TANC1: variants seen among roughly 807,000 people sequenced by gnomAD.
The protein encoded by TANC1 is protein TANC1.
Under a neutral mutation model 149.7 loss-of-function variants are expected in TANC1, and 77 were observed. The observed-to-expected ratio is 0.51, with a 90% CI of 0.43 to 0.62. TANC1 has a LOEUF of 0.62. Ranked by LOEUF, TANC1 falls within the 20% of genes least tolerant of loss-of-function variation. The pLI is 0.00. For missense variants in TANC1, 1,985 were observed against 2,321.8 expected (o/e 0.85, Z 2.98); for synonymous variants, 854 against 925.0 (o/e 0.92, Z 1.39).
chr2:159,099,685 T>G (rs1428274975), intron 4 of TANC1, among the ~76,000 whole-genome samples: 23 of 148,914 alleles, frequency 1.5e-4, no homozygotes, highest in Admixed American at 4.0e-4. Context: ...CAAATCTGAT[T>G]AGATTCCTCA....
chr2:159,050,115 TA>T (rs1443528528), intron 2 of TANC1, among the ~76,000 whole-genome samples: 1 of 152,132 alleles, frequency 6.6e-6, no homozygotes, highest in Non-Finnish European at 1.5e-5. Flanking sequence ...CATAGTGACA[TA>T]ATTTTTTTTG....
At chr2:159,046,183 AATAG>A (rs2041023094) in intron 2 of TANC1, among the ~76,000 whole-genome samples, 1 of 152,186 alleles carries the variant, frequency 6.6e-6, no homozygotes, top group Admixed American at 6.5e-5. Context: ...AACTTTAGAA[AATAG>A]ATAGGAACTT....
intron 24 of TANC1, 106 bp from the exon 25 acceptor site, chr2:159,227,713 G>A (rs2042494): frequency 0.86 from 1,068,822 of 1,238,056 alleles, 464,845 homozygotes; most frequent in Admixed American, 0.91. Context: ...ATGTTCTGTC[G>A]TGGGTTTGCA....
intron 25 of TANC1, 165 bp from the exon 26 acceptor site, chr2:159,228,631 A>C (rs1479098034): frequency 3.2e-6 from 2 of 629,720 alleles, no homozygotes; most frequent in African/African-American, 3.6e-5. Context: ...TTAATCAACC[A>C]TCATTATCTC....
chr2:159,007,175 T>C (rs2037289298), intron 2 of TANC1, among the ~76,000 whole-genome samples: 1 of 150,188 alleles, frequency 6.7e-6, no homozygotes, highest in Admixed American at 6.6e-5. Flanking sequence ...AGACAGAGTT[T>C]TGCTCTTGTT....
intron 3 of TANC1, among the ~76,000 whole-genome samples, chr2:159,076,837 C>T (rs2043731748): frequency 6.6e-6 from 1 of 152,142 alleles, no homozygotes; most frequent in African/African-American, 2.4e-5. Context: ...GTGGTTTATA[C>T]TATGTCTCCG....
chr2:159,113,417 A>G (rs2047949791), intron 4 of TANC1, among the ~76,000 whole-genome samples: 1 of 152,164 alleles, frequency 6.6e-6, no homozygotes, highest in Admixed American at 6.5e-5. Flanking sequence ...GTACTAAATT[A>G]ATGTCTCTAA....
At chr2:159,204,462 C>A (rs2058467444) in intron 19 of TANC1, among the ~76,000 whole-genome samples, 1 of 152,196 alleles carries the variant, frequency 6.6e-6, no homozygotes, top group South Asian at 2.1e-4. Context: ...AATAGCCAAG[C>A]ATGGTGTGGG....
intron 5 of TANC1, among the ~76,000 whole-genome samples, chr2:159,141,614 G>T (rs1395747212): frequency 6.6e-6 from 1 of 152,156 alleles, no homozygotes; most frequent in Non-Finnish European, 1.5e-5. Context: ...GAACATCTTC[G>T]CAAGTGTCCA....
At chr2:159,053,059 C>G (rs928651453) in intron 2 of TANC1, among the ~76,000 whole-genome samples, 5 of 152,132 alleles carry the variant, frequency 3.3e-5, no homozygotes, top group African/African-American at 1.2e-4. Flanking sequence ...CAGATTCATG[C>G]CTTGGATATG....
rs2060355459 is a variant in TANC1 at position 159,232,139 on chromosome 2, A to C, written c.*1127A>C. ...AACAGTATACCAGTAACAGCACTTTATCTCATTTATATGAACACCTTTGAG... is the reference window on the plus strand; with the variant it reads ...AACAGTATACCAGTAACAGCACTTTCTCTCATTTATATGAACACCTTTGAG... On this transcript the variant is annotated 3_prime_UTR_variant, in exon 27 of 27. Transcript: ENST00000263635. 6.5e-6 allele frequency: 1 copy of C among 152,808 alleles called. No individual in the cohort carries two copies. Among genetic ancestry groups the C allele is most frequent in the African/African-American group, 2.4e-5 (1 of 41,598 alleles). The allele number at this position is 152,808 out of a possible 1,614,324, so 9.5% of individuals were successfully genotyped here. A position where few individuals can be genotyped will look rare whatever the true frequency, so the allele number is the denominator to read the frequency against.
intron 19 of TANC1, among the ~76,000 whole-genome samples, chr2:159,207,695 C>T (rs2058702121): frequency 2.9e-5 from 1 of 34,504 alleles, no homozygotes; most frequent in Admixed American, 4.6e-4. Context: ...CAACACGTGT[C>T]TCAAAAAAAA....
intron 2 of TANC1, among the ~76,000 whole-genome samples, chr2:159,027,316 G>A (rs2039428251): frequency 6.6e-6 from 1 of 152,194 alleles, no homozygotes; most frequent in African/African-American, 2.4e-5. Flanking sequence ...TATTTCTTCT[G>A]CCAGATATTT....
At chr2:159,163,633 G>C in intron 8 of TANC1, 87 bp downstream of exon 8, 1 of 1,476,168 alleles carries the variant, frequency 6.8e-7, no homozygotes, top group Non-Finnish European at 9.1e-7. Context: ...AGACACTCCA[G>C]ATACAAGCCA....
chr2:159,109,497 A>C (rs1374907364), intron 4 of TANC1, among the ~76,000 whole-genome samples: 1 of 152,224 alleles, frequency 6.6e-6, no homozygotes, highest in Non-Finnish European at 1.5e-5. Flanking sequence ...TTATATAAGA[A>C]GAGGAAGGTA....
At chr2:159,214,479 G>GT (rs1464344497) in intron 19 of TANC1, among the ~76,000 whole-genome samples, 1 of 152,194 alleles carries the variant, frequency 6.6e-6, no homozygotes, top group African/African-American at 2.4e-5. Flanking sequence ...CAGGCCCCCT[G>GT]TGCCCTCCAC....
intron 3 of TANC1, among the ~76,000 whole-genome samples, chr2:159,073,349 C>G (rs2043330564): frequency 6.6e-6 from 1 of 152,166 alleles, no homozygotes; most frequent in Non-Finnish European, 1.5e-5. Flanking sequence ...GCTGAACTGC[C>G]TGTTTTCCTG....
chr2:159,096,182 C>T (rs549660150), intron 3 of TANC1, among the ~76,000 whole-genome samples: 15 of 152,132 alleles, frequency 9.9e-5, no homozygotes, highest in Non-Finnish European at 2.1e-4. Flanking sequence ...ACATTCTTTC[C>T]CTGCACATCC....
intron 20 of TANC1, among the ~76,000 whole-genome samples, chr2:159,218,921 C>T (rs769038204): frequency 2.0e-5 from 3 of 152,206 alleles, no homozygotes; most frequent in South Asian, 2.1e-4. Context: ...CATTCTCCCA[C>T]GCCCCTGTGG....
Sources: allele counts gnomAD v4.1 joint callset (sites outside exome capture counted in the v4.1 genomes callset), GRCh38; gene constraint gnomAD v4.1.1; transcripts MANE v1.5; gene names NCBI Gene and HGNC (gene_info 2026-07-23, HGNC 2026-07-21).